Variants in MACROD2 observed in about 807,000 individuals in gnomAD.
MACROD2 encodes the protein mono-ADP ribosylhydrolase 2.
MACROD2 carries 36 observed loss-of-function variants against 70.4 expected under a neutral mutation model. That is an observed-to-expected ratio of 0.51 (90% CI 0.39 to 0.68). MACROD2 has a LOEUF of 0.68. Among genes scored for constraint, MACROD2 ranks in the 30% least tolerant of loss-of-function variants. The pLI is 0.00. For synonymous variants in MACROD2, 172 were observed against 178.8 expected, an observed-to-expected ratio of 0.96 and a Z score of 0.30; for missense variants, 496 against 538.4, an observed-to-expected ratio of 0.92 and a Z score of 0.78.
At chr20:14,914,840 T>G (rs2074071558) in intron 5 of MACROD2, among the ~76,000 whole-genome samples, 2 of 152,206 alleles carry the variant, frequency 1.3e-5, no homozygotes, top group African/African-American at 4.8e-5. Flanking sequence ...TATTTCATGT[T>G]GTTTTGGCTG....
At chr20:15,558,798 T>G (rs1007149264) in intron 8 of MACROD2, among the ~76,000 whole-genome samples, 1 of 152,226 alleles carries the variant, frequency 6.6e-6, no homozygotes, top group Non-Finnish European at 1.5e-5. Flanking sequence ...TTAAAAATGT[T>G]ACTGAAGCCC....
chr20:14,724,467 C>T (rs915951178), intron 5 of MACROD2, among the ~76,000 whole-genome samples: 28 of 152,056 alleles, frequency 1.8e-4, no homozygotes, highest in Non-Finnish European at 2.5e-4. Context: ...TTGACTTCTA[C>T]TGAAAGGAAA....
At chr20:14,901,843 T>C (rs1225870828) in intron 5 of MACROD2, among the ~76,000 whole-genome samples, 1 of 152,072 alleles carries the variant, frequency 6.6e-6, no homozygotes, top group Admixed American at 6.6e-5. Flanking sequence ...GGCTATAGGA[T>C]TGTATGCCTA....
intron 7 of MACROD2, among the ~76,000 whole-genome samples, chr20:15,498,547 A>G (rs1461136947): frequency 6.6e-6 from 1 of 152,214 alleles, no homozygotes; most frequent in African/African-American, 2.4e-5. Flanking sequence ...AGAAGCCAGG[A>G]AAGAATTGGT....
chr20:14,626,291 G>A (rs1019850630), intron 4 of MACROD2, among the ~76,000 whole-genome samples: 3 of 152,170 alleles, frequency 2.0e-5, no homozygotes, highest in Non-Finnish European at 4.4e-5. Context: ...GCCTTTTGAA[G>A]GTGAGGTAGT....
chr20:15,446,542 C>T (rs972771880), intron 7 of MACROD2, among the ~76,000 whole-genome samples: 7 of 152,192 alleles, frequency 4.6e-5, no homozygotes, highest in African/African-American at 1.2e-4. Context: ...GTGCACATCC[C>T]GTGGTTTATG....
intron 8 of MACROD2, among the ~76,000 whole-genome samples, chr20:15,745,850 A>G (rs1025005258): frequency 6.6e-6 from 1 of 152,104 alleles, no homozygotes; most frequent in African/African-American, 2.4e-5. Context: ...TCTGCTGTAT[A>G]TTAAAGACCT....
intron 3 of MACROD2, among the ~76,000 whole-genome samples, chr20:14,154,664 G>A (rs1038136781): frequency 9.4e-5 from 14 of 148,440 alleles, no homozygotes; most frequent in African/African-American, 3.5e-4. Flanking sequence ...CGCCCGCCTC[G>A]GCCTCCCAAA....
intron 4 of MACROD2, among the ~76,000 whole-genome samples, chr20:14,662,895 T>G (rs1010484914): frequency 1.3e-5 from 2 of 150,526 alleles, no homozygotes; most frequent in Non-Finnish European, 3.0e-5. Context: ...TAGTGTAGAT[T>G]ATTTTAACCA....
At chr20:14,339,002 A>G (rs2082983539) in intron 3 of MACROD2, among the ~76,000 whole-genome samples, 1 of 152,114 alleles carries the variant, frequency 6.6e-6, no homozygotes, top group Non-Finnish European at 1.5e-5. Context: ...GAGGTGCATG[A>G]CCTTCTCCTT....
chr20:14,283,248 A>G (rs747565788), intron 3 of MACROD2, among the ~76,000 whole-genome samples: 7 of 152,204 alleles, frequency 4.6e-5, no homozygotes, highest in African/African-American at 7.2e-5. Context: ...TTTAAAATTT[A>G]TTGTCAAATG....
At chr20:15,494,204 C>G (rs1403114974) in intron 7 of MACROD2, among the ~76,000 whole-genome samples, 1 of 152,166 alleles carries the variant, frequency 6.6e-6, no homozygotes, top group East Asian at 1.9e-4. Flanking sequence ...ATTATTAAAA[C>G]ACATCATTTT....
chr20:15,720,193 C>A (rs2050768346), intron 8 of MACROD2, among the ~76,000 whole-genome samples: 1 of 152,076 alleles, frequency 6.6e-6, no homozygotes, highest in African/African-American at 2.4e-5. Flanking sequence ...TTTATTCATT[C>A]ATCTGTTGTT....
At chr20:14,961,048 C>T (rs1169603438) in intron 5 of MACROD2, among the ~76,000 whole-genome samples, 1 of 152,138 alleles carries the variant, frequency 6.6e-6, no homozygotes, top group Admixed American at 6.5e-5. Context: ...ATTAAGCACT[C>T]AGTGAACACA....
At chr20:15,444,676 C>T (rs60443504) in intron 7 of MACROD2, among the ~76,000 whole-genome samples, 43,575 of 151,876 alleles carry the variant, frequency 0.29, 8,224 homozygotes, top group African/African-American at 0.53. Context: ...TTTCAGGCTC[C>T]GATAGATCTA....
chr20:14,831,456 C>T (rs567752044), intron 5 of MACROD2, among the ~76,000 whole-genome samples: 16 of 151,904 alleles, frequency 1.1e-4, no homozygotes, highest in Non-Finnish European at 1.6e-4. Context: ...CCCCAATCCT[C>T]CTGCCTACCT....
chr20:14,287,153 T>C (rs1196708260), intron 3 of MACROD2, among the ~76,000 whole-genome samples: 2 of 152,128 alleles, frequency 1.3e-5, no homozygotes, highest in Admixed American at 6.6e-5. Flanking sequence ...GACCAAGAGA[T>C]TGTTGTATCC....
chr20:15,886,317 C>G (rs2064821655), intron 10 of MACROD2, among the ~76,000 whole-genome samples: 1 of 152,146 alleles, frequency 6.6e-6, no homozygotes, highest in Admixed American at 6.6e-5. Flanking sequence ...TTTATGTGGC[C>G]TGGGCTTCCT....
chr20:16,041,463 C>A (rs897618634), intron 16 of MACROD2, among the ~76,000 whole-genome samples, 185 bp downstream of exon 16: 3 of 151,826 alleles, frequency 2.0e-5, no homozygotes, highest in African/African-American at 7.2e-5. Flanking sequence ...AAAAAAAAAA[C>A]CTGTTTCTAG....
Sources: allele counts gnomAD v4.1 joint callset (sites outside exome capture counted in the v4.1 genomes callset), GRCh38; gene constraint gnomAD v4.1.1; transcripts MANE v1.5; gene names NCBI Gene and HGNC (gene_info 2026-07-23, HGNC 2026-07-21).